The following CTNNA2 variants were observed in gnomAD, a reference collection of about 807,000 sequenced individuals.
CTNNA2 encodes catenin alpha-2.
CTNNA2 carries 42 observed loss-of-function variants against 101.0 expected under a neutral mutation model. That is an observed-to-expected ratio of 0.42 (90% CI 0.32 to 0.54). The LOEUF is 0.54. Ranked by LOEUF, CTNNA2 falls within the 20% of genes least tolerant of loss-of-function variation. The pLI, the probability that CTNNA2 is intolerant of heterozygous loss-of-function variation, is 0.14. For missense variants in CTNNA2, 871 were observed against 1,223.1 expected (o/e 0.71, Z 4.29); for synonymous variants, 450 against 456.4 (o/e 0.99, Z 0.18).
intron 7 of CTNNA2, among the ~76,000 whole-genome samples, chr2:79,949,523 T>A (rs2104487011): frequency 1.3e-5 from 2 of 152,316 alleles, no homozygotes; most frequent in South Asian, 4.1e-4. Context: ...ATCCCAGTAC[T>A]TTGGGAGGCA....
chr2:79,876,922 G>A (rs1558603947), intron 6 of CTNNA2, among the ~76,000 whole-genome samples: 1 of 151,850 alleles, frequency 6.6e-6, no homozygotes, highest in African/African-American at 2.4e-5. Flanking sequence ...CATCAAACAT[G>A]TTTTTTATAA....
chr2:80,029,906 C>G (rs1212843284), intron 7 of CTNNA2, among the ~76,000 whole-genome samples: 2 of 151,952 alleles, frequency 1.3e-5, no homozygotes, highest in Admixed American at 6.6e-5. Flanking sequence ...GAGCAGGCAT[C>G]GAGCTGGATA....
At chr2:79,855,699 C>G (rs1438934611) in intron 3 of CTNNA2, among the ~76,000 whole-genome samples, 1 of 147,922 alleles carries the variant, frequency 6.8e-6, no homozygotes, top group Non-Finnish European at 1.5e-5. Flanking sequence ...ACCGATTTCA[C>G]CTGCAGGAAC....
chr2:80,397,362 CA>C (rs1216002258), intron 8 of CTNNA2, among the ~76,000 whole-genome samples: 1 of 152,166 alleles, frequency 6.6e-6, no homozygotes, highest in Admixed American at 6.5e-5. Context: ...GCTCATTTTA[CA>C]GATGAGGATG....
intron 4 of CTNNA2, among the ~76,000 whole-genome samples, chr2:79,400,213 CAGTG>C (rs1225010362): frequency 1.3e-5 from 2 of 152,118 alleles, no homozygotes; most frequent in Non-Finnish European, 2.9e-5. Flanking sequence ...GCATTTATCT[CAGTG>C]AGCAGAGGGG....
intron 7 of CTNNA2, among the ~76,000 whole-genome samples, chr2:80,065,599 G>A (rs538831030): frequency 1.4e-4 from 21 of 152,082 alleles, no homozygotes; most frequent in South Asian, 6.2e-4. Flanking sequence ...TGATCTGCCC[G>A]CCTCGGCCTC....
At chr2:80,564,893 G>C (rs1233138571) in intron 12 of CTNNA2, among the ~76,000 whole-genome samples, 1 of 152,210 alleles carries the variant, frequency 6.6e-6, no homozygotes, top group African/African-American at 2.4e-5. Flanking sequence ...TCTCAAGACA[G>C]AAGAGAAGCT....
intron 3 of CTNNA2, among the ~76,000 whole-genome samples, chr2:79,855,734 G>A (rs1292758116): frequency 2.0e-5 from 3 of 150,170 alleles, no homozygotes; most frequent in Admixed American, 2.0e-4. Context: ...TAGCTACCTG[G>A]GTTCGTGTGC....
intron 3 of CTNNA2, among the ~76,000 whole-genome samples, chr2:79,354,007 T>A (rs2104441099): frequency 6.6e-6 from 1 of 152,308 alleles, no homozygotes; most frequent in South Asian, 2.1e-4. Flanking sequence ...TCCCCCAGTC[T>A]ATTCTGGCTT....
At chr2:80,071,056 A>G (rs1050934131) in intron 7 of CTNNA2, among the ~76,000 whole-genome samples, 1 of 152,230 alleles carries the variant, frequency 6.6e-6, no homozygotes, top group Non-Finnish European at 1.5e-5. Flanking sequence ...ATCAGGTAAC[A>G]CTTACAGGCT....
At chr2:79,831,475 A>G (rs1047881821) in intron 3 of CTNNA2, among the ~76,000 whole-genome samples, 7 of 152,030 alleles carry the variant, frequency 4.6e-5, no homozygotes, top group African/African-American at 1.7e-4. Context: ...TAATGTTCTT[A>G]GATAAACAAG....
Position 80,252,630 on chromosome 2 carries a change from C to T in CTNNA2, c.1057-140581C>T, listed in dbSNP as rs558864765. Among the ~76,000 whole-genome samples the T allele has an allele frequency of 2.0e-5, 3 of 152,258 alleles. No individual in the cohort carries two copies. The South Asian group carries it at 6.2e-4, about 32-fold the overall frequency. On this transcript the variant is annotated intron_variant, in intron 7 of 18. Transcript: ENST00000402739. Reference sequence around the variant, plus strand: ...AGAAACTCTTTGTGATTTCAAAAGTCAGAAAGTGAACTGTTGACATGGATC... The same window carrying T: ...AGAAACTCTTTGTGATTTCAAAAGTTAGAAAGTGAACTGTTGACATGGATC...
intron 2 of CTNNA2, among the ~76,000 whole-genome samples, chr2:79,298,273 T>C (rs1024992921): frequency 1.3e-5 from 2 of 152,134 alleles, no homozygotes; most frequent in Non-Finnish European, 2.9e-5. Context: ...GCCAGGCTCC[T>C]TTTAACAATC....
chr2:80,463,772 C>T (rs1684642040), intron 9 of CTNNA2, among the ~76,000 whole-genome samples: 1 of 152,084 alleles, frequency 6.6e-6, no homozygotes, highest in East Asian at 1.9e-4. Flanking sequence ...AGAAAATAAA[C>T]ATTTATCTAG....
At chr2:80,501,512 T>A (rs1394512316) in intron 9 of CTNNA2, among the ~76,000 whole-genome samples, 1 of 152,182 alleles carries the variant, frequency 6.6e-6, no homozygotes, top group Non-Finnish European at 1.5e-5. Context: ...TAGAAACTCC[T>A]TAAAGAATCC....
Position 80,421,746 on chromosome 2 carries a change from T to C in CTNNA2, c.1290+2145T>C, listed in dbSNP as rs997894796. 2.7e-5 allele frequency among the ~76,000 whole-genome samples: 4 copies of C among 148,544 alleles called. No homozygotes were observed. The Admixed American group carries it at 2.7e-4, about 10-fold the overall frequency. ...CCTAGGAGATACAGGGGCTAGTGTG[T>C]GGTCTGGCCTCTGTGTGACTAGGGA... On this transcript the variant is annotated intron_variant, in intron 9 of 18. Transcript: ENST00000402739.
intron 18 of CTNNA2, among the ~76,000 whole-genome samples, chr2:80,643,439 C>A (rs1013524981): frequency 6.6e-6 from 1 of 152,156 alleles, no homozygotes; most frequent in Admixed American, 6.6e-5. Flanking sequence ...GAAAACAGCA[C>A]ATGGTCTAAT....
rs564523434 is a variant in CTNNA2, at chr2:80,643,980, C to T, written c.2575-3605C>T. 5.3e-5 allele frequency among the ~76,000 whole-genome samples: 8 copies of T among 152,188 alleles called. No individual in the cohort carries two copies. In the South Asian group the frequency reaches 8.3e-4, roughly 16 times the overall value. ...TAGCCATGATGTTAAAAGGATGTTG[C>T]CAGGTTTAGGGGACAGGCTTCCAGC... is the stretch of plus-strand genomic sequence containing the variant. On this transcript the variant is annotated intron_variant, in intron 18 of 18. Transcript: ENST00000402739.
intron 2 of CTNNA2, among the ~76,000 whole-genome samples, chr2:79,739,657 A>G (rs1671145544): frequency 6.6e-6 from 1 of 152,224 alleles, no homozygotes; most frequent in Non-Finnish European, 1.5e-5. Context: ...AAGACTGCCA[A>G]CAAGCTGCAT....
Sources: gnomAD v4.1 joint callset for allele counts (sites outside exome capture counted in the v4.1 genomes callset) on GRCh38, gnomAD v4.1.1 for gene constraint, MANE v1.5 for transcripts, NCBI Gene and HGNC (gene_info 2026-07-23, HGNC 2026-07-21) for gene names.